Variants in ARHGAP24 observed in about 807,000 individuals in gnomAD.
ARHGAP24 encodes Rho GTPase activating protein 24.
In ARHGAP24, 50 loss-of-function variants were observed where a neutral mutation model predicts 76.4. That is an observed-to-expected ratio of 0.65 (90% CI 0.52 to 0.83). The LOEUF (loss-of-function observed/expected upper bound fraction) is 0.83, where lower values mean the gene tolerates loss of function less well. Among genes scored for constraint, ARHGAP24 ranks in the 40% least tolerant of loss-of-function variants. The pLI is 0.00. For missense variants in ARHGAP24, 930 were observed against 914.2 expected, an observed-to-expected ratio of 1.02 and a Z score of -0.22; for synonymous variants, 345 against 323.3, an observed-to-expected ratio of 1.07 and a Z score of -0.72.
chr4:85,755,632 T>TTTTTTTG lies in ARHGAP24; in HGVS notation c.268+33663_268+33664insTTTGTTT, dbSNP rs572667839. Among the ~76,000 whole-genome samples, 228 of 67,006 alleles carry TTTTTTTG rather than the reference T, an allele frequency of 3.4e-3. 31 individuals are homozygous for TTTTTTTG. Among genetic ancestry groups the TTTTTTTG allele is most frequent in the Non-Finnish European group, 6.3e-3 (188 of 29,640 alleles). 44.0% of individuals were successfully genotyped at this position (67,006 alleles called of 152,430 possible). ...GGGAAGCTTCTATTCTTTTGTTTTGTTTTGTTTTGTTTTGTTTTGAGACGG... is the reference window on the plus strand; with the variant it reads ...GGGAAGCTTCTATTCTTTTGTTTTGTTTTTTTGTTTGTTTTGTTTTGTTTTGAGACGG... On this transcript the variant is annotated intron_variant, in intron 3 of 9. Coordinates refer to ENST00000395184, the MANE Select transcript of ARHGAP24 (RefSeq NM_001025616.3).
intron 3 of ARHGAP24, among the ~76,000 whole-genome samples, chr4:85,826,825 TA>T (rs1281787414): frequency 6.6e-6 from 1 of 152,118 alleles, no homozygotes; most frequent in African/African-American, 2.4e-5. Flanking sequence ...AGAAGGAGGT[TA>T]AAAAAATTGT....
chr4:85,994,925 C>T lies in ARHGAP24; in HGVS notation c.1271C>T (p.Pro424Leu), dbSNP rs369576054. The T allele has an allele frequency of 1.1e-5, 18 of 1,614,042 alleles. No individual in the cohort carries two copies. In the African/African-American group the frequency reaches 2.1e-4, roughly 19 times the overall value. Residue 424 changes from proline (P) to leucine (L), a missense_variant, in exon 9 of 10, where the codon CCA becomes CTA. Pro to Leu is a moderately conservative substitution (Grantham distance 98, BLOSUM62 -3). Transcript: ENST00000395184. The stretch of plus-strand genomic sequence containing the variant: ...CCCCCTCTCATGGTCAAAAAGAACC[C>T]AGCCTTTAATAAGGGTAGTGGGATA... ...RSPPLMVKKN[P>L]AFNKGSGIVT...
chr4:85,858,066 G>A (rs768268197), intron 3 of ARHGAP24, among the ~76,000 whole-genome samples: 22 of 151,948 alleles, frequency 1.4e-4, no homozygotes, highest in Non-Finnish European at 2.5e-4. Context: ...TAAGTTCTTC[G>A]TCACCATAAG....
At chr4:85,689,710 A>G (rs1370767526) in intron 2 of ARHGAP24, among the ~76,000 whole-genome samples, 1 of 152,152 alleles carries the variant, frequency 6.6e-6, no homozygotes, top group Admixed American at 6.5e-5. Context: ...TAGTACATTG[A>G]CGATGTATCC....
Position 85,832,240 on chromosome 4 carries a change from G to C in ARHGAP24, c.269-91408G>C, listed in dbSNP as rs551458781. On this transcript the variant is annotated intron_variant, in intron 3 of 9. Coordinates refer to ENST00000395184, the MANE Select transcript of ARHGAP24 (RefSeq NM_001025616.3). ...TTTGTATAATTCCGGTGGTCTCAGT[G>C]GTGTAGGGGTTGTCTCTAGTTGTCT... 5.9e-5 allele frequency among the ~76,000 whole-genome samples: 9 copies of C among 152,168 alleles called. No individual in the cohort carries two copies. In the South Asian group the frequency reaches 8.3e-4, roughly 14 times the overall value.
chr4:85,982,846 T>A (rs1434240726), intron 8 of ARHGAP24, among the ~76,000 whole-genome samples: 3 of 152,160 alleles, frequency 2.0e-5, no homozygotes, highest in Admixed American at 2.0e-4. Context: ...CCATGGTGAT[T>A]TGCTGTGCCT....
intron 3 of ARHGAP24, among the ~76,000 whole-genome samples, chr4:85,808,044 T>C (rs1728865817): frequency 6.6e-6 from 1 of 152,228 alleles, no homozygotes. Context: ...TACATGTTTT[T>C]ATTTGCTTGC....
chr4:85,928,371 A>G (rs1377524150), intron 4 of ARHGAP24, among the ~76,000 whole-genome samples: 1 of 149,666 alleles, frequency 6.7e-6, no homozygotes, highest in Non-Finnish European at 1.5e-5. Context: ...TTTCTGTTCA[A>G]TTGTTTTTGA....
At chr4:85,588,625 GTGGGCATC>G (rs1025592313) in intron 2 of ARHGAP24, among the ~76,000 whole-genome samples, 5 of 152,140 alleles carry the variant, frequency 3.3e-5, no homozygotes, top group African/African-American at 1.2e-4. Flanking sequence ...CATTTTGGAC[GTGGGCATC>G]TGATTCTTTA....
At chr4:85,991,367 A>G (rs930468384) in intron 8 of ARHGAP24, 2 of 152,160 alleles carry the variant, frequency 1.3e-5, no homozygotes, top group African/African-American at 2.4e-5. Flanking sequence ...ACATTTACCC[A>G]AGGAAAAAGA....
At chr4:85,917,706 T>G (rs1349884220) in intron 3 of ARHGAP24, among the ~76,000 whole-genome samples, 1 of 152,218 alleles carries the variant, frequency 6.6e-6, no homozygotes, top group African/African-American at 2.4e-5. Flanking sequence ...TGCATAAATG[T>G]CTTCTTTTGA....
chr4:85,509,466 C>T (rs1035566555), intron 1 of ARHGAP24, among the ~76,000 whole-genome samples: 1 of 151,878 alleles, frequency 6.6e-6, no homozygotes, highest in African/African-American at 2.4e-5. Context: ...AAAAGTTACA[C>T]ATATTTGAAA....
chr4:85,995,577 C>T lies in ARHGAP24; in HGVS notation c.1923C>T (p.His641=). 1 of 1,613,840 alleles carries T rather than the reference C, an allele frequency of 6.2e-7. No individual in the cohort carries two copies. The change falls in exon 9 of 10, where the codon CAC becomes CAT. Residue 641 remains histidine, a synonymous_variant. Coordinates refer to ENST00000395184, the MANE Select transcript of ARHGAP24 (RefSeq NM_001025616.3). ...TTGTGGGCAACAGCAGCAGCAACCA[C>T]AGTGCACTGCACAGTTTAGTTTCCA... is the stretch of plus-strand genomic sequence containing the variant. The part of the protein sequence containing the change: ...ETFVGNSSSN[H]SALHSLVSSL...
At chr4:85,952,580 G>A (rs1737677543) in intron 5 of ARHGAP24, among the ~76,000 whole-genome samples, 1 of 152,210 alleles carries the variant, frequency 6.6e-6, no homozygotes, top group Admixed American at 6.5e-5. Flanking sequence ...ATTTGGAGTA[G>A]TTGTGAGTGC....
intron 2 of ARHGAP24, chr4:85,686,817 G>A (rs1052466490): frequency 2.9e-5 from 4 of 138,684 alleles, no homozygotes; most frequent in Admixed American, 7.2e-5. Flanking sequence ...AAGATCTTTA[G>A]CCACAATTAT....
intron 1 of ARHGAP24, among the ~76,000 whole-genome samples, chr4:85,541,072 C>A (rs887843299): frequency 3.3e-5 from 5 of 150,204 alleles, no homozygotes; most frequent in Admixed American, 3.3e-4. Context: ...TTTCACTGAT[C>A]CTATTGCTGT....
At chr4:85,871,729 C>T (rs1023132505) in intron 3 of ARHGAP24, among the ~76,000 whole-genome samples, 8 of 152,108 alleles carry the variant, frequency 5.3e-5, no homozygotes, top group African/African-American at 1.9e-4. Flanking sequence ...GGAAGAGGCC[C>T]ATGCAACTGA....
chr4:85,689,952 G>A (rs1723568407), intron 2 of ARHGAP24, among the ~76,000 whole-genome samples: 2 of 152,120 alleles, frequency 1.3e-5, no homozygotes, highest in Middle Eastern at 3.2e-3. Flanking sequence ...ACTTCTCAGG[G>A]GGAATGATTC....
intron 3 of ARHGAP24, among the ~76,000 whole-genome samples, chr4:85,726,551 T>C (rs887735933): frequency 6.6e-6 from 1 of 152,118 alleles, no homozygotes; most frequent in African/African-American, 2.4e-5. Context: ...TGCTAACTAG[T>C]CATTGATTGG....
Sources: gnomAD v4.1 joint callset for allele counts (sites outside exome capture counted in the v4.1 genomes callset) on GRCh38, gnomAD v4.1.1 for gene constraint, MANE v1.5 for transcripts, NCBI Gene and HGNC (gene_info 2026-07-23, HGNC 2026-07-21) for gene names.